DENND5A: variants seen among roughly 807,000 people sequenced by gnomAD.
The protein encoded by DENND5A is DENN domain containing 5A.
A neutral mutation model predicts 140.3 loss-of-function variants in DENND5A; 64 were observed. The observed-to-expected ratio is 0.46, with a 90% confidence interval of 0.37 to 0.56. The LOEUF (loss-of-function observed/expected upper bound fraction) is 0.56. Ranked by LOEUF, DENND5A falls within the 20% of genes least tolerant of loss-of-function variation. The pLI, the probability that DENND5A is intolerant of heterozygous loss-of-function variation, is 0.00. For synonymous variants in DENND5A, 605 were observed against 607.7 expected (o/e 1.00, Z 0.07); for missense variants, 1,292 against 1,593.8 (o/e 0.81, Z 3.22).
intron 1 of DENND5A, among the ~76,000 whole-genome samples, chr11:9,217,029 C>G (rs1286212783): frequency 6.6e-6 from 1 of 151,918 alleles, no homozygotes; most frequent in Admixed American, 6.6e-5. Context: ...GAGCAAGATC[C>G]CATCTCAAAA....
intron 12 of DENND5A, among the ~76,000 whole-genome samples, chr11:9,157,002 T>C (rs1847827583): frequency 6.6e-6 from 1 of 152,126 alleles, no homozygotes; most frequent in Admixed American, 6.6e-5. Flanking sequence ...ACTTAGAACA[T>C]ATAATGATAC....
intron 5 of DENND5A, among the ~76,000 whole-genome samples, chr11:9,189,662 T>C (rs970176820): frequency 1.3e-4 from 20 of 151,748 alleles, no homozygotes; most frequent in East Asian, 3.9e-4. Flanking sequence ...GTTTTTGAGA[T>C]GGAGTTTCAC....
At chr11:9,154,078 A>G (rs954057063) in intron 12 of DENND5A, among the ~76,000 whole-genome samples, 5 of 152,228 alleles carry the variant, frequency 3.3e-5, no homozygotes, top group African/African-American at 4.8e-5. Flanking sequence ...AGATTACAAT[A>G]ATTTTATAAA....
intron 4 of DENND5A, among the ~76,000 whole-genome samples, chr11:9,199,474 G>T (rs1849453540): frequency 6.6e-6 from 1 of 152,082 alleles, no homozygotes; most frequent in Non-Finnish European, 1.5e-5. Flanking sequence ...CTCTAGCATA[G>T]GTGACAGAAT....
Position 9,170,614 on chromosome 11 carries a change from G to C in DENND5A, c.2057+13C>G, listed in dbSNP as rs1331221792. On this transcript the variant is annotated intron_variant, in intron 9 of 22. Coordinates refer to ENST00000328194, the MANE Select transcript of DENND5A (RefSeq NM_015213.4). ...TAGGGAGTTGGATTAGTGAATCCCT[G>C]GGGTTGACTCACTTGTTGCTGGCTG... 4 of 1,613,490 alleles carry C rather than the reference G, an allele frequency of 2.5e-6. No individual in the cohort carries two copies. The highest frequency in any genetic ancestry group is 1.3e-5 in the African/African-American group (1 of 74,808).
At chr11:9,252,415 G>C (rs1377155264) in intron 1 of DENND5A, among the ~76,000 whole-genome samples, 2 of 152,068 alleles carry the variant, frequency 1.3e-5, no homozygotes, top group African/African-American at 4.8e-5. Flanking sequence ...TTAGGAGGCA[G>C]AGGTGGGTGG....
chr11:9,265,185 G>T lies in DENND5A; in HGVS notation c.-116C>A. On this transcript the variant is annotated 5_prime_UTR_variant, in exon 1 of 23. Transcript: ENST00000328194. The surrounding 1 kb of genome is among the most constrained non-coding windows in gnomAD (Gnocchi z 4.7). ...CCCGCCGCCGCCGCTACCGCGGCTC[G>T]GGCCGCCGCCCCCGGCCCTGGCCCG... 2.1e-6 allele frequency: 1 copy of T among 467,134 alleles called. No individual in the cohort carries two copies. The highest frequency in any genetic ancestry group is 2.8e-6 in the Non-Finnish European group (1 of 354,098). 28.9% of individuals were successfully genotyped at this position (467,134 alleles called of 1,614,324 possible).
chr11:9,257,978 A>G (rs977478396), intron 1 of DENND5A, among the ~76,000 whole-genome samples: 1 of 151,768 alleles, frequency 6.6e-6, no homozygotes, highest in African/African-American at 2.4e-5. Context: ...TCTTTAGTAG[A>G]GACAGGGTTT....
rs537410652 is a variant in DENND5A at position 9,232,912 on chromosome 11, T to C, written c.110-25280A>G. Among the ~76,000 whole-genome samples, 3 of 152,294 alleles carry C rather than the reference T, an allele frequency of 2.0e-5. No homozygotes were observed. The South Asian group carries it at 6.2e-4, about 32-fold the overall frequency. ...AGTGAGAACGACCAACCTAAAACTATACACAATATGAATGAACCTCTCAAA... is the reference window on the plus strand; with the variant it reads ...AGTGAGAACGACCAACCTAAAACTACACACAATATGAATGAACCTCTCAAA... On this transcript the variant is annotated intron_variant, in intron 1 of 22. Coordinates refer to ENST00000328194, the MANE Select transcript of DENND5A (RefSeq NM_015213.4).
rs200817518 is a variant in DENND5A at position 9,203,761 on chromosome 11, T to G, written c.848A>C (p.Asp283Ala). 4 of 1,614,082 alleles carry G rather than the reference T, an allele frequency of 2.5e-6. No individual in the cohort carries two copies. Among genetic ancestry groups the G allele is most frequent in the Non-Finnish European group, 2.5e-6 (3 of 1,179,998 alleles). Residue 283 changes from aspartate to alanine, a missense_variant, in exon 4 of 23, where the codon GAC (aspartate) becomes GCC (alanine). Asp to Ala is a moderately radical substitution (Grantham distance 126, BLOSUM62 -2). Coordinates refer to ENST00000328194, the MANE Select transcript of DENND5A (RefSeq NM_015213.4). ...RPSTNELPLF[D>A]FPVKEVFELL... ...TTCAAAAACCTCTTTGACAGGAAAG[T>G]CAAATAGGGGAAGCTCATTGGTACT...
intron 1 of DENND5A, among the ~76,000 whole-genome samples, chr11:9,221,964 G>A (rs10840190): frequency 0.5 from 74,993 of 151,358 alleles, 18,830 homozygotes; most frequent in African/African-American, 0.57. Context: ...TCACAGTGTT[G>A]GCCAGGATGG....
chr11:9,175,425 A>T (rs1564897044), intron 8 of DENND5A: 1 of 152,218 alleles, frequency 6.6e-6, no homozygotes. Flanking sequence ...GTCAAATATC[A>T]ATCAAAATCT....
intron 5 of DENND5A, among the ~76,000 whole-genome samples, chr11:9,192,479 T>G (rs1024999040): frequency 2.0e-5 from 3 of 151,902 alleles, no homozygotes; most frequent in African/African-American, 7.3e-5. Flanking sequence ...ATACAAAAAT[T>G]TAGCCGGGTG....
intron 17 of DENND5A, 153 bp from the exon 18 acceptor site, chr11:9,145,266 G>A: frequency 3.1e-6 from 2 of 641,532 alleles, no homozygotes; most frequent in South Asian, 3.7e-5. Flanking sequence ...CAGAACTGCG[G>A]TACAGCACTA....
Position 9,249,507 on chromosome 11 carries a change from C to T in DENND5A, c.109+15454G>A, listed in dbSNP as rs543777725. 1.4e-4 allele frequency among the ~76,000 whole-genome samples: 21 copies of T among 152,188 alleles called. No individual in the cohort carries two copies. The East Asian group carries it at 3.9e-3, about 28-fold the overall frequency. ...CGTCCTCTGGAGCTGAGGCACATGCCATCACACTGGGCTCATTTTTATATT... is the reference window on the plus strand; with the variant it reads ...CGTCCTCTGGAGCTGAGGCACATGCTATCACACTGGGCTCATTTTTATATT... On this transcript the variant is annotated intron_variant, in intron 1 of 22. Coordinates refer to ENST00000328194, the MANE Select transcript of DENND5A (RefSeq NM_015213.4).
At chr11:9,203,142 TTTC>T (rs1316530898) in intron 4 of DENND5A, among the ~76,000 whole-genome samples, 4 of 152,254 alleles carry the variant, frequency 2.6e-5, no homozygotes, top group African/African-American at 9.6e-5. Context: ...TAAGCATCTG[TTTC>T]TTTCTAATCT....
At chr11:9,159,321 C>CT (rs59379591) in intron 12 of DENND5A, among the ~76,000 whole-genome samples, 16,749 of 136,802 alleles carry the variant, frequency 0.12, 1,052 homozygotes, top group South Asian at 0.21. Flanking sequence ...ACTTTTTTTT[C>CT]TTTTTTTTTT....
chr11:9,148,512 T>C lies in DENND5A; in HGVS notation c.2736-1361A>G, dbSNP rs79533499. ...GTGCAGGTGAGAAGTGAAAGGGAAA[T>C]GAGGATTAAACTAAGTCTGTGCAGT... is the stretch of plus-strand genomic sequence containing the variant. On this transcript the variant is annotated intron_variant, in intron 15 of 22. Coordinates refer to ENST00000328194, the MANE Select transcript of DENND5A (RefSeq NM_015213.4). 2.9e-3 allele frequency among the ~76,000 whole-genome samples: 445 copies of C among 152,034 alleles called. 3 individuals are homozygous for C. Among genetic ancestry groups the C allele is most frequent in the African/African-American group, 0.01 (421 of 41,452 alleles).
chr11:9,220,453 A>G (rs545165009), intron 1 of DENND5A, among the ~76,000 whole-genome samples: 8 of 152,242 alleles, frequency 5.3e-5, no homozygotes, highest in Admixed American at 1.3e-4. Context: ...AAGCTGAGGC[A>G]GGAGAATCAC....
Sources: gnomAD v4.1 joint callset for allele counts (sites outside exome capture counted in the v4.1 genomes callset) on GRCh38, gnomAD v4.1.1 for gene constraint, Gnocchi (gnomAD v3.1) non-coding constraint, MANE v1.5 for transcripts, NCBI Gene and HGNC (gene_info 2026-07-23, HGNC 2026-07-21) for gene names.